The following GALNT3 variants were observed in gnomAD, a reference collection of about 807,000 sequenced individuals.
GALNT3 encodes the protein polypeptide N-acetylgalactosaminyltransferase 3, also known as GalNAc transferase 3.
In GALNT3, 51 loss-of-function variants were observed where a neutral mutation model predicts 69.8. The observed-to-expected ratio is 0.73, with a 90% confidence interval of 0.58 to 0.92. The LOEUF is 0.92. Ranked by LOEUF, GALNT3 falls within the 40% of genes least tolerant of loss-of-function variation. The pLI, the probability that GALNT3 is intolerant of heterozygous loss-of-function variation, is 0.00. For synonymous variants in GALNT3, 265 were observed against 248.5 expected, an observed-to-expected ratio of 1.07 and a Z score of -0.63; for missense variants, 711 against 760.0, an observed-to-expected ratio of 0.94 and a Z score of 0.76.
chr2:165,748,094 C>A lies in GALNT3; in HGVS notation c.*687G>T, dbSNP rs191523871. ...TTTAAAAGTGCTTTGGGAAAACACA[C>A]AGTATCATTACTTAAGAAAAGTCAT... is the stretch of plus-strand genomic sequence containing the variant. On this transcript the variant is annotated 3_prime_UTR_variant, in exon 11 of 11. Coordinates refer to ENST00000392701, the MANE Select transcript of GALNT3 (RefSeq NM_004482.4). 49 of 183,022 alleles carry A rather than the reference C, an allele frequency of 2.7e-4. No homozygotes were observed. In the East Asian group the frequency reaches 3.7e-3, roughly 14 times the overall value. 11.3% of individuals were successfully genotyped at this position (183,022 alleles called of 1,614,324 possible).
At chr2:165,759,279 C>T (rs1688500304) in intron 5 of GALNT3, 57 bp downstream of exon 5, 1 of 1,332,968 alleles carries the variant, frequency 7.5e-7, no homozygotes, top group Non-Finnish European at 1.1e-6. Context: ...ACAGTGTGTA[C>T]ATATTCAATG....
intron 1 of GALNT3, among the ~76,000 whole-genome samples, chr2:165,786,573 G>T (rs1173036161): frequency 6.6e-6 from 1 of 152,106 alleles, no homozygotes; most frequent in African/African-American, 2.4e-5. Flanking sequence ...TGTAAATATT[G>T]TGTAAATAGT....
At chr2:165,756,565 T>C (rs561758703) in intron 7 of GALNT3, among the ~76,000 whole-genome samples, 1 of 152,206 alleles carries the variant, frequency 6.6e-6, no homozygotes, top group Non-Finnish European at 1.5e-5. Flanking sequence ...CTCTATGAAG[T>C]GTCTTCCCTA....
At position 165,770,619 on chromosome 2, in the gene GALNT3, A is replaced by T; in HGVS notation, c.82T>A (p.Phe28Ile). 1 of 1,601,896 alleles carries T rather than the reference A, an allele frequency of 6.2e-7. No individual in the cohort carries two copies. The change falls in exon 2 of 11, where the codon TTT becomes ATT. Residue 28 changes from phenylalanine (F) to isoleucine (I), a missense_variant. Transcript: ENST00000392701. ...KKFWKLGAVIFFFIIVLVLMQ... is the reference protein window; with the variant it reads ...KKFWKLGAVIIFFIIVLVLMQ... ...AAAACCAAAACTATTATAAAGAAAA[A>T]AATTACTGCACCAAGCTTCCAGAAC... is the stretch of plus-strand genomic sequence containing the variant.
rs1303348497 is a variant in GALNT3, at chr2:165,759,569, A to G, written c.840T>C (p.Cys280=). Residue 280 remains cysteine (C), a splice_region_variant and synonymous_variant, in exon 5 of 11, where the codon TGT becomes TGC. Coordinates refer to ENST00000392701, the MANE Select transcript of GALNT3 (RefSeq NM_004482.4). ...AETLTFLDAH[C]ECFYGWLEPL... ...GTTCTAGCCAACCATAGAAACACTC[A>G]CCTGGAGGGAACAGAATTTTAATTA... 6.2e-7 allele frequency: 1 copy of G among 1,608,340 alleles called. No individual in the cohort carries two copies. The highest frequency in any genetic ancestry group is 2.2e-5 in the East Asian group (1 of 44,820).
chr2:165,779,216 C>T (rs879393454), intron 1 of GALNT3, among the ~76,000 whole-genome samples: 4 of 152,174 alleles, frequency 2.6e-5, no homozygotes, highest in Non-Finnish European at 4.4e-5. Flanking sequence ...GCCTCAGCCA[C>T]TTCAGTGTCC....
chr2:165,793,535 T>C (rs1683397240), intron 1 of GALNT3, among the ~76,000 whole-genome samples: 1 of 152,082 alleles, frequency 6.6e-6, no homozygotes, highest in African/African-American at 2.4e-5. Context: ...CTGTTTGGGG[T>C]CCCCGGCTAG....
At position 165,759,420 on chromosome 2, in the gene GALNT3, T is replaced by C; in HGVS notation, c.989A>G (p.Asn330Ser). The change falls in exon 5 of 11, where the codon AAT (asparagine) becomes AGT (serine). Residue 330 changes from asparagine (N) to serine (S), a missense_variant. Asn to Ser is a conservative substitution (Grantham distance 46, BLOSUM62 1). Transcript: ENST00000392701. Reference protein sequence around the residue: ...SPYGSNHNRGNFDWSLSFGWE... With the variant: ...SPYGSNHNRGSFDWSLSFGWE... ...GCCAAATGAAAGACTCCAGTCAAAA[T>C]TTCCACGGTTATGGTTACTTCCATA... is the stretch of plus-strand genomic sequence containing the variant. The C allele has an allele frequency of 6.2e-7, 1 of 1,614,088 alleles. No homozygotes were observed. The highest frequency in any genetic ancestry group is 8.5e-7 in the Non-Finnish European group (1 of 1,179,988).
intron 7 of GALNT3, 26 bp downstream of exon 7, chr2:165,757,021 A>G: frequency 6.5e-7 from 1 of 1,549,916 alleles, no homozygotes; most frequent in Non-Finnish European, 8.9e-7. Context: ...ATTTTATTGC[A>G]ATTTAACTAC....
At position 165,754,933 on chromosome 2, in the gene GALNT3, T is replaced by A; in HGVS notation, c.1523A>T (p.Tyr508Phe). The change falls in exon 8 of 11, where the codon TAC (tyrosine) becomes TTC (phenylalanine). Residue 508 changes from tyrosine to phenylalanine, a missense_variant and splice_region_variant. Tyr to Phe is a conservative substitution (Grantham distance 22). Coordinates refer to ENST00000392701, the MANE Select transcript of GALNT3 (RefSeq NM_004482.4). The part of the protein sequence containing the change: ...VPDLNPVISG[Y>F]IKSVGQPLCL... The stretch of plus-strand genomic sequence containing the variant: ...AAAAAGGAACAGGAAAATACTCACG[T>A]ATCCAGATATAACAGGATTAAGGTC... The A allele has an allele frequency of 6.2e-7, 1 of 1,613,290 alleles. No individual in the cohort carries two copies. The highest frequency in any genetic ancestry group is 8.5e-7 in the Non-Finnish European group (1 of 1,179,402).
chr2:165,779,135 A>G (rs923307432), intron 1 of GALNT3, among the ~76,000 whole-genome samples: 2 of 152,176 alleles, frequency 1.3e-5, no homozygotes. Context: ...CATACTGGGG[A>G]GTGAGCAGTG....
chr2:165,757,325 G>T, intron 6 of GALNT3, 78 bp from the exon 7 acceptor site: 1 of 1,444,712 alleles, frequency 6.9e-7, no homozygotes, highest in Non-Finnish European at 9.6e-7. Flanking sequence ...CACCTTTAAG[G>T]TATTATGAAA....
In GALNT3 at chr2:165,770,375, G is replaced by A; in HGVS notation, c.326C>T (p.Pro109Leu). The change falls in exon 2 of 11, where the codon CCT (proline) becomes CTT (leucine). Residue 109 changes from proline (P) to leucine (L), a missense_variant. Physicochemically the swap from Pro to Leu is moderately conservative, Grantham distance 98. Transcript: ENST00000392701. ...QGYYTAAELKPVLDRPPQDSN... is the reference protein window; with the variant it reads ...QGYYTAAELKLVLDRPPQDSN... ...ATCCTGAGGTGGACGGTCAAGGACA[G>A]GCTTCAATTCTGCTGCTGTATAATA... The A allele has an allele frequency of 6.2e-7, 1 of 1,614,210 alleles. No homozygotes were observed. The highest frequency in any genetic ancestry group is 1.7e-5 in the Admixed American group (1 of 60,030).
intron 4 of GALNT3, 75 bp downstream of exon 4, chr2:165,761,830 A>G: frequency 1.3e-6 from 2 of 1,524,110 alleles, no homozygotes; most frequent in Non-Finnish European, 1.8e-6. Context: ...TAGAAAAGAA[A>G]AGACTTCCTT....
chr2:165,781,981 G>T (rs1683120893), intron 1 of GALNT3, among the ~76,000 whole-genome samples: 1 of 152,116 alleles, frequency 6.6e-6, no homozygotes, highest in South Asian at 2.1e-4. Flanking sequence ...GTTTGATAAA[G>T]ATATTACATC....
intron 1 of GALNT3, among the ~76,000 whole-genome samples, chr2:165,787,002 T>C (rs1194728056): frequency 6.6e-6 from 1 of 152,210 alleles, no homozygotes; most frequent in East Asian, 1.9e-4. Context: ...CTAAAATCTA[T>C]TTTTAAAAAT....
intron 9 of GALNT3, 133 bp from the exon 10 acceptor site, chr2:165,750,027 A>T: frequency 1.2e-6 from 1 of 848,368 alleles, no homozygotes; most frequent in Non-Finnish European, 1.9e-6. Context: ...AAAAATAGTT[A>T]TTAGAAACAT....
intron 5 of GALNT3, 63 bp from the exon 6 acceptor site, chr2:165,758,927 T>A: frequency 9.7e-7 from 1 of 1,029,682 alleles, no homozygotes; most frequent in Non-Finnish European, 1.5e-6. Context: ...CAGCATATTT[T>A]AAGAACTGAA....
chr2:165,758,716 T>C (rs1016619683), intron 6 of GALNT3, 31 bp downstream of exon 6: 2 of 1,211,758 alleles, frequency 1.7e-6, no homozygotes, highest in South Asian at 2.4e-5. Flanking sequence ...TTGTTTAATA[T>C]ATCTGCTATA....
Sources: gnomAD v4.1 joint callset for allele counts (sites outside exome capture counted in the v4.1 genomes callset) on GRCh38, gnomAD v4.1.1 for gene constraint, MANE v1.5 for transcripts, NCBI Gene and HGNC (gene_info 2026-07-23, HGNC 2026-07-21) for gene names.